Variants in CRYGS observed in about 807,000 individuals in gnomAD.
The protein encoded by CRYGS is gamma-crystallin S.
In CRYGS, 13 loss-of-function variants were observed where a neutral mutation model predicts 21.3. The observed-to-expected ratio is 0.61, with a 90% CI of 0.40 to 0.97. The LOEUF is 0.97. Ranked by LOEUF, CRYGS falls within the 50% of genes least tolerant of loss-of-function variation. CRYGS has a pLI of 0.00. For missense variants in CRYGS, 205 were observed against 229.7 expected, an observed-to-expected ratio of 0.89 and a Z score of 0.69; for synonymous variants, 67 against 75.0, an observed-to-expected ratio of 0.89 and a Z score of 0.55.
chr3:186,540,025 C>A, intron 1 of CRYGS: 1 of 201,066 alleles, frequency 5.0e-6, no homozygotes, highest in Non-Finnish European at 1.0e-5. Context: ...CACTTGACTT[C>A]AATAATTGTT....
chr3:186,544,016 C>T (rs1304320610), intron 1 of CRYGS, among the ~76,000 whole-genome samples: 1 of 152,110 alleles, frequency 6.6e-6, no homozygotes, highest in African/African-American at 2.4e-5. Flanking sequence ...TGGAGAATAT[C>T]AGTTGCATAG....
chr3:186,541,913 G>A (rs998885668), intron 1 of CRYGS, among the ~76,000 whole-genome samples: 1 of 152,188 alleles, frequency 6.6e-6, no homozygotes, highest in Non-Finnish European at 1.5e-5. Flanking sequence ...ATGACCTGTG[G>A]AGAGATCTTT....
At chr3:186,539,695 C>T in intron 1 of CRYGS, 98 bp from the exon 2 acceptor site, 2 of 1,475,924 alleles carry the variant, frequency 1.4e-6, no homozygotes, top group South Asian at 2.4e-5. Context: ...AAATTCCTTT[C>T]ACCTCAATTT....
rs535854737 is a variant in CRYGS at position 186,539,527 on chromosome 3, T to G, written c.92A>C (p.His31Pro). The G allele has an allele frequency of 1.9e-6, 3 of 1,614,034 alleles. No individual in the cohort carries two copies. The highest frequency in any genetic ancestry group is 1.7e-4 in the Middle Eastern group (1 of 5,960). The part of the protein sequence containing the change: ...YDCDCDCADF[H>P]TYLSRCNSIK... The stretch of plus-strand genomic sequence containing the variant: ...GGAGTTGCAGCGACTTAGGTATGTG[T>G]GGAAATCTGCACAGTCGCAATCACA... Residue 31 changes from histidine (H) to proline (P), a missense_variant, in exon 2 of 3, where the codon CAC (histidine) becomes CCC (proline). His to Pro is a moderately conservative substitution (Grantham distance 77). Transcript: ENST00000307944.
chr3:186,543,119 A>T (rs946045053), intron 1 of CRYGS, among the ~76,000 whole-genome samples: 23 of 152,198 alleles, frequency 1.5e-4, no homozygotes, highest in Non-Finnish European at 3.1e-4. Flanking sequence ...ACAATTAGAC[A>T]AATCTAGATT....
chr3:186,539,025 A>C, intron 2 of CRYGS, 57 bp from the exon 3 acceptor site: 4 of 1,587,794 alleles, frequency 2.5e-6, no homozygotes, highest in Non-Finnish European at 3.4e-6. Flanking sequence ...CCAGCAGGTC[A>C]AGAACTTAGA....
intron 1 of CRYGS, among the ~76,000 whole-genome samples, chr3:186,543,351 G>T (rs1238213735): frequency 6.6e-6 from 1 of 152,112 alleles, no homozygotes; most frequent in Non-Finnish European, 1.5e-5. Context: ...TTTGAATATG[G>T]TCTCAATATT....
chr3:186,540,756 G>A lies in CRYGS; in HGVS notation c.22-1159C>T, dbSNP rs527566610. ...CTATGTGAGTCATTTCAGATGAAAG[G>A]AGCAGAGCCGGATACTGTCTTGAGA... is the stretch of plus-strand genomic sequence containing the variant. On this transcript the variant is annotated intron_variant, in intron 1 of 2. Transcript: ENST00000307944. 1.3e-5 allele frequency: 13 copies of A among 971,406 alleles called. No homozygotes were observed. The South Asian group carries it at 6.2e-4, about 46-fold the overall frequency. The allele number at this position is 971,406 out of a possible 1,614,324, so 60.2% of individuals were successfully genotyped here.
At chr3:186,539,750 C>T (rs746325724) in intron 1 of CRYGS, 153 bp from the exon 2 acceptor site, 3 of 860,976 alleles carry the variant, frequency 3.5e-6, no homozygotes, top group Non-Finnish European at 5.3e-6. Flanking sequence ...ACATTGCTTT[C>T]TGACAGACAA....
intron 1 of CRYGS, chr3:186,540,020 G>C (rs568928311): frequency 4.9e-6 from 1 of 205,332 alleles, no homozygotes; most frequent in African/African-American, 2.3e-5. Context: ...CCCATCACTT[G>C]ACTTCAATAA....
chr3:186,544,379 A>G lies in CRYGS; in HGVS notation c.-53T>C. 1 of 1,286,036 alleles carries G rather than the reference A, an allele frequency of 7.8e-7. No homozygotes were observed. The allele number at this position is 1,286,036 out of a possible 1,614,324, so 79.7% of individuals were successfully genotyped here. On this transcript the variant is annotated 5_prime_UTR_variant, in exon 1 of 3. Transcript: ENST00000307944. ...TGCTGAAAGAAATTCAGGAATGGCT[A>G]CAGAGAGTTAGAGGCACAGTGACAT... is the stretch of plus-strand genomic sequence containing the variant.
chr3:186,539,040 A>G, intron 2 of CRYGS, 72 bp from the exon 3 acceptor site: 2 of 1,536,762 alleles, frequency 1.3e-6, no homozygotes, highest in Non-Finnish European at 1.8e-6. Flanking sequence ...CTTAGAGAAC[A>G]GTATTGCTCA....
intron 1 of CRYGS, among the ~76,000 whole-genome samples, chr3:186,541,754 C>T (rs1578958058): frequency 6.6e-6 from 1 of 152,342 alleles, no homozygotes; most frequent in Middle Eastern, 3.4e-3. Flanking sequence ...TGGTGGGCTG[C>T]AGTGCAAAAC....
intron 2 of CRYGS, 105 bp from the exon 3 acceptor site, chr3:186,539,073 G>A (rs1428537170): frequency 7.3e-7 from 1 of 1,362,070 alleles, no homozygotes; most frequent in African/African-American, 1.4e-5. Flanking sequence ...TTGAAAGCTA[G>A]ATGATCTGAA....
At position 186,538,964 on chromosome 3, in the gene CRYGS, C is replaced by G. The variant is rs1275239379; in HGVS notation, c.269G>C (p.Ser90Thr). ...GATCTGAATCTTATACTGGCCTCCA[C>G]TAGGCTGAAAAGACACAGGAGAAAA... ...LSSCRAVHLPSGGQYKIQIFE... is the reference protein window; with the variant it reads ...LSSCRAVHLPTGGQYKIQIFE... Residue 90 changes from serine to threonine, a missense_variant, in exon 3 of 3, where the codon AGT (serine) becomes ACT (threonine). Transcript: ENST00000307944. 1.2e-6 allele frequency: 2 copies of G among 1,613,984 alleles called. No homozygotes were observed. The highest frequency in any genetic ancestry group is 1.7e-5 in the Admixed American group (1 of 60,000).
chr3:186,542,842 T>C (rs61347884), intron 1 of CRYGS, among the ~76,000 whole-genome samples: 21,487 of 152,034 alleles, frequency 0.14, 1,820 homozygotes, highest in African/African-American at 0.23. Flanking sequence ...ATCCCTCCTC[T>C]AAGGACCAAA....
Position 186,542,218 on chromosome 3 carries a change from G to A in CRYGS, c.21+2088C>T, listed in dbSNP as rs74466691. ...CAGGAGACCAGCCAACCATCCAAAA[G>A]TTGAAACAAAGCCCTCATCCTGTTG... On this transcript the variant is annotated intron_variant, in intron 1 of 2. Transcript: ENST00000307944. Among the ~76,000 whole-genome samples the A allele has an allele frequency of 1.2e-3, 189 of 152,316 alleles. 4 individuals are homozygous for A. In the East Asian group the frequency reaches 0.035, roughly 28 times the overall value.
intron 1 of CRYGS, among the ~76,000 whole-genome samples, chr3:186,543,587 T>C (rs866659909): frequency 1.2e-4 from 18 of 152,304 alleles, no homozygotes; most frequent in Middle Eastern, 3.4e-3. Context: ...TATACAAATA[T>C]TCATTCAACA....
At chr3:186,539,677 T>C (rs751583308) in intron 1 of CRYGS, 80 bp from the exon 2 acceptor site, 198 of 1,551,394 alleles carry the variant, frequency 1.3e-4, no homozygotes, top group Non-Finnish European at 1.6e-4. Flanking sequence ...ACATAATGCC[T>C]ACTTTAGAAA....
Sources: gnomAD v4.1 joint callset for allele counts (sites outside exome capture counted in the v4.1 genomes callset) on GRCh38, gnomAD v4.1.1 for gene constraint, MANE v1.5 for transcripts, NCBI Gene and HGNC (gene_info 2026-07-23, HGNC 2026-07-21) for gene names.